CA5B: variants seen among roughly 807,000 people sequenced by gnomAD.
CA5B encodes carbonic anhydrase 5B, mitochondrial.
CA5B carries 15 observed loss-of-function variants against 23.1 expected under a neutral mutation model. The ratio of observed to expected loss-of-function variants is 0.65; its 90% CI spans 0.43 to 1.00. The LOEUF is 1.00. Among genes scored for constraint, CA5B ranks in the 50% least tolerant of loss-of-function variants. The pLI is 0.00. For missense variants in CA5B, 236 were observed against 252.2 expected (o/e 0.94, Z 0.43); for synonymous variants, 84 against 98.5 (o/e 0.85, Z 0.87).
intron 2 of CA5B, among the ~76,000 whole-genome samples, chrX:15,754,610 T>G (rs1434760155): frequency 8.9e-6 from 1 of 112,697 alleles, no homozygotes; most frequent in Non-Finnish European, 1.9e-5. Flanking sequence ...TTATCCAATG[T>G]GGAAATAAAA....
chrX:15,767,768 G>A (rs183050947), intron 3 of CA5B, among the ~76,000 whole-genome samples: 155 of 107,901 alleles, frequency 1.4e-3, no homozygotes, highest in African/African-American at 5.0e-3. Flanking sequence ...TTCGGTATTT[G>A]TAGTAGAGAC....
chrX:15,739,418 C>T (rs1176102378), intron 1 of CA5B, among the ~76,000 whole-genome samples: 1 of 107,483 alleles, frequency 9.3e-6, no homozygotes, highest in Non-Finnish European at 1.9e-5. Context: ...AGTGGAAAAC[C>T]GTAAAGCTTT....
At chrX:15,744,775 A>G (rs896103831) in intron 1 of CA5B, among the ~76,000 whole-genome samples, 7 of 110,605 alleles carry the variant, frequency 6.3e-5, no homozygotes, top group Non-Finnish European at 1.3e-4. Context: ...CCTACAATAC[A>G]TTTTTCAGAT....
chrX:15,764,106 A>G (rs1931656776), intron 2 of CA5B, among the ~76,000 whole-genome samples: 1 of 111,815 alleles, frequency 8.9e-6, no homozygotes, highest in Non-Finnish European at 1.9e-5. Flanking sequence ...ACACCCCAAA[A>G]TAATGCTTTA....
chrX:15,775,879 T>C, intron 6 of CA5B: 1 of 750,975 alleles, frequency 1.3e-6, no homozygotes, highest in Non-Finnish European at 1.6e-6. Flanking sequence ...GCCCGTATAT[T>C]ATCTCCCCCC....
chrX:15,756,780 C>T (rs1485690288), intron 2 of CA5B, among the ~76,000 whole-genome samples: 1 of 111,352 alleles, frequency 9.0e-6, no homozygotes, highest in Non-Finnish European at 1.9e-5. Context: ...TTTAGCCAGG[C>T]GCAGTGGCTC....
chrX:15,758,354 G>A (rs1931535216), intron 2 of CA5B, among the ~76,000 whole-genome samples: 1 of 111,476 alleles, frequency 9.0e-6, no homozygotes, highest in East Asian at 2.8e-4. Context: ...GAGCTCAGAA[G>A]CTTTCTCAAG....
At chrX:15,779,610 A>C (rs1931986098) in intron 7 of CA5B, among the ~76,000 whole-genome samples, 1 of 112,049 alleles carries the variant, frequency 8.9e-6, no homozygotes, top group South Asian at 3.7e-4. Context: ...GCTGTTGAGG[A>C]ATAATTGAGC....
At chrX:15,753,813 G>C (rs960152748) in intron 2 of CA5B, among the ~76,000 whole-genome samples, 1 of 112,246 alleles carries the variant, frequency 8.9e-6, no homozygotes, top group Non-Finnish European at 1.9e-5. Context: ...GGAGGCTGAG[G>C]CAAAAGAATC....
At chrX:15,754,409 G>A (rs183628091) in intron 2 of CA5B, among the ~76,000 whole-genome samples, 96 of 112,553 alleles carry the variant, frequency 8.5e-4, no homozygotes, top group African/African-American at 2.8e-3. Context: ...AATGAAAGTA[G>A]GAGGTTGTGG....
At chrX:15,761,059 G>A (rs780090059) in intron 2 of CA5B, among the ~76,000 whole-genome samples, 4 of 111,568 alleles carry the variant, frequency 3.6e-5, no homozygotes, top group Admixed American at 2.9e-4. Flanking sequence ...TGAAAAATAC[G>A]GTATATTATA....
At chrX:15,776,916 A>T (rs755737725) in intron 7 of CA5B, 47 bp downstream of exon 7, 1 of 1,084,971 alleles carries the variant, frequency 9.2e-7, no homozygotes, top group African/African-American at 1.8e-5. Flanking sequence ...TTGTCTGCCC[A>T]TGTAAAACAA....
chrX:15,759,314 G>A (rs1306007410), intron 2 of CA5B, among the ~76,000 whole-genome samples: 1 of 112,051 alleles, frequency 8.9e-6, no homozygotes, highest in African/African-American at 3.2e-5. Flanking sequence ...CCAAGGTGAT[G>A]GTATTAAGAG....
chrX:15,769,463 T>C (rs934603290), intron 3 of CA5B: 8 of 751,133 alleles, frequency 1.1e-5, no homozygotes, highest in Admixed American at 1.8e-4. Flanking sequence ...TCATCTCCTC[T>C]GGAATTCCTC....
At chrX:15,780,878 A>G (rs1353224837) in intron 7 of CA5B, among the ~76,000 whole-genome samples, 1 of 111,861 alleles carries the variant, frequency 8.9e-6, no homozygotes, top group Non-Finnish European at 1.9e-5. Context: ...TTGCTTGTCT[A>G]CTGTGCCCCA....
At chrX:15,765,030 A>G in intron 3 of CA5B, 1 of 353,498 alleles carries the variant, frequency 2.8e-6, no homozygotes, top group East Asian at 5.7e-5. Context: ...TATAATTGGT[A>G]TAGAGCATAG....
intron 7 of CA5B, among the ~76,000 whole-genome samples, chrX:15,781,909 C>T (rs1309042590): frequency 1.8e-5 from 1 of 56,023 alleles, no homozygotes; most frequent in Non-Finnish European, 3.2e-5. Flanking sequence ...CAGAGTAAGA[C>T]TTTGTCTTTA....
At chrX:15,752,649 C>T (rs1044964044) in intron 2 of CA5B, among the ~76,000 whole-genome samples, 5 of 109,968 alleles carry the variant, frequency 4.5e-5, no homozygotes, top group Non-Finnish European at 7.6e-5. Context: ...GGCGTGAACC[C>T]GGGAGGCGGA....
intron 3 of CA5B, 66 bp downstream of exon 3, chrX:15,764,841 A>G (rs1601788435): frequency 2.3e-5 from 19 of 842,314 alleles, no homozygotes; most frequent in Non-Finnish European, 3.2e-5. Context: ...CAGAGGACAC[A>G]TCAAACTCTC....
Sources: allele counts gnomAD v4.1 joint callset (sites outside exome capture counted in the v4.1 genomes callset), GRCh38; gene constraint gnomAD v4.1.1; transcripts MANE v1.5; gene names NCBI Gene and HGNC (gene_info 2026-07-23, HGNC 2026-07-21).